DMRT1: variants seen among roughly 807,000 people sequenced by gnomAD.
The protein encoded by DMRT1 is doublesex and mab-3 related transcription factor 1, also known as doublesex- and mab-3-related transcription factor 1.
In DMRT1, 7 loss-of-function variants were observed where a neutral mutation model predicts 32.3. The observed-to-expected ratio is 0.22, with a 90% confidence interval of 0.12 to 0.41. The LOEUF is 0.41. Ranked by LOEUF, DMRT1 falls within the 10% of genes least tolerant of loss-of-function variation. The pLI is 1.00. For missense variants in DMRT1, 625 were observed against 500.5 expected (o/e 1.25, Z -2.37); for synonymous variants, 278 against 206.1 (o/e 1.35, Z -2.99).
intron 2 of DMRT1, among the ~76,000 whole-genome samples, chr9:849,625 G>C (rs1323265): frequency 0.68 from 103,569 of 152,070 alleles, 36,481 homozygotes; most frequent in Middle Eastern, 0.77. Context: ...GAGGGTTCAG[G>C]GTCAAGGAGG....
chr9:929,542 C>T (rs1818638541), intron 4 of DMRT1, among the ~76,000 whole-genome samples: 1 of 151,952 alleles, frequency 6.6e-6, no homozygotes, highest in Non-Finnish European at 1.5e-5. Flanking sequence ...CATATTATTT[C>T]TCCTTCTGCT....
chr9:912,787 T>C (rs577185559), intron 3 of DMRT1, among the ~76,000 whole-genome samples: 4 of 152,124 alleles, frequency 2.6e-5, no homozygotes, highest in East Asian at 3.9e-4. Flanking sequence ...CTCGGTGTCA[T>C]ATTAGAATTA....
chr9:850,730 T>C (rs1402748658), intron 2 of DMRT1, among the ~76,000 whole-genome samples: 1 of 78,770 alleles, frequency 1.3e-5, no homozygotes, highest in Non-Finnish European at 3.4e-5. Context: ...AGAATTCCAC[T>C]GTATAGATGT....
chr9:941,473 G>A (rs1047065295), intron 4 of DMRT1, among the ~76,000 whole-genome samples: 2 of 152,168 alleles, frequency 1.3e-5, no homozygotes, highest in Admixed American at 1.3e-4. Context: ...CATGTTTAAG[G>A]TACTTAGAGT....
chr9:916,122 G>A lies in DMRT1; in HGVS notation c.823-641G>A, dbSNP rs28454547. ...TTGCACATGAAGAAACATGGGAAGA[G>A]GTCTGATAACTTGCGCCCGTTCAAA... On this transcript the variant is annotated intron_variant, in intron 3 of 4. Transcript: ENST00000382276. Among the ~76,000 whole-genome samples, 1,323 of 152,286 alleles carry A rather than the reference G, an allele frequency of 8.7e-3. 15 individuals are homozygous for A. Among genetic ancestry groups the A allele is most frequent in the African/African-American group, 0.031 (1,277 of 41,544 alleles).
intron 2 of DMRT1, among the ~76,000 whole-genome samples, chr9:870,708 A>AATTTTTTT (rs1564211315): frequency 2.8e-5 from 1 of 36,262 alleles, no homozygotes; most frequent in South Asian, 8.8e-4. Flanking sequence ...CATTTTCTTG[A>AATTTTTTT]CTTTTTTTTT....
At chr9:863,676 G>A (rs531098927) in intron 2 of DMRT1, among the ~76,000 whole-genome samples, 11 of 152,244 alleles carry the variant, frequency 7.2e-5, no homozygotes, top group African/African-American at 2.2e-4. Context: ...GTCAGATTTC[G>A]GACCCACAGA....
At chr9:907,034 G>A (rs1171364332) in intron 3 of DMRT1, among the ~76,000 whole-genome samples, 4 of 152,076 alleles carry the variant, frequency 2.6e-5, no homozygotes, top group African/African-American at 9.6e-5. Flanking sequence ...CTGAAATTTG[G>A]TTAATCTTAT....
intron 2 of DMRT1, among the ~76,000 whole-genome samples, chr9:874,598 T>G: frequency 6.6e-6 from 1 of 152,146 alleles, no homozygotes; most frequent in Non-Finnish European, 1.5e-5. Context: ...AAAAGGGCCA[T>G]GATGCCTGAA....
At chr9:857,587 C>T (rs1190281072) in intron 2 of DMRT1, among the ~76,000 whole-genome samples, 2 of 152,054 alleles carry the variant, frequency 1.3e-5, no homozygotes, top group African/African-American at 4.8e-5. Flanking sequence ...TTCTGTTGCC[C>T]TAAAACTTGG....
chr9:905,404 C>T (rs1817733909), intron 3 of DMRT1, among the ~76,000 whole-genome samples: 1 of 151,796 alleles, frequency 6.6e-6, no homozygotes, highest in South Asian at 2.1e-4. Context: ...AATTCTATGT[C>T]TGGAGTATTT....
chr9:868,678 A>G (rs1266820670), intron 2 of DMRT1, among the ~76,000 whole-genome samples: 1 of 152,192 alleles, frequency 6.6e-6, no homozygotes, highest in Non-Finnish European at 1.5e-5. Context: ...GTTGTTTATG[A>G]ATTGCAGAGT....
intron 3 of DMRT1, among the ~76,000 whole-genome samples, chr9:914,062 G>A (rs370106548): frequency 8.5e-5 from 13 of 152,126 alleles, no homozygotes; most frequent in Non-Finnish European, 1.3e-4. Flanking sequence ...ATTCATATGC[G>A]CATTGAGAGC....
chr9:931,653 C>T (rs1470672076), intron 4 of DMRT1, among the ~76,000 whole-genome samples: 1 of 152,120 alleles, frequency 6.6e-6, no homozygotes, highest in Non-Finnish European at 1.5e-5. Context: ...CATGGCTTTT[C>T]CTCTTTGTGT....
chr9:871,602 A>G (rs1317733282), intron 2 of DMRT1, among the ~76,000 whole-genome samples: 1 of 142,150 alleles, frequency 7.0e-6, no homozygotes, highest in East Asian at 2.1e-4. Context: ...CTGCCTCCCA[A>G]AGTGCTGGGA....
At chr9:915,202 G>A (rs988401722) in intron 3 of DMRT1, among the ~76,000 whole-genome samples, 2 of 152,196 alleles carry the variant, frequency 1.3e-5, no homozygotes, top group African/African-American at 4.8e-5. Flanking sequence ...ATAAATAACT[G>A]AAGTCCAGCT....
At chr9:853,475 AT>A (rs1318941683) in intron 2 of DMRT1, among the ~76,000 whole-genome samples, 1,533 of 144,296 alleles carry the variant, frequency 0.011, 12 homozygotes, top group African/African-American at 0.03. Flanking sequence ...TATTTAATTA[AT>A]TTTTTTTTTT....
chr9:883,424 G>C (rs1816808020), intron 2 of DMRT1, among the ~76,000 whole-genome samples: 1 of 151,988 alleles, frequency 6.6e-6, no homozygotes, highest in Non-Finnish European at 1.5e-5. Context: ...TCAGTGAGGA[G>C]CATCCCAGTG....
intron 3 of DMRT1, among the ~76,000 whole-genome samples, chr9:909,404 C>T (rs922317985): frequency 1.1e-4 from 17 of 152,108 alleles, no homozygotes; most frequent in African/African-American, 4.1e-4. Flanking sequence ...TTGGGTGAAG[C>T]CCTTTGCGTA....
Sources: allele counts gnomAD v4.1 joint callset (sites outside exome capture counted in the v4.1 genomes callset), GRCh38; gene constraint gnomAD v4.1.1; transcripts MANE v1.5; gene names NCBI Gene and HGNC (gene_info 2026-07-23, HGNC 2026-07-21).